CACNA2D3: variants seen among roughly 807,000 people sequenced by gnomAD.
The protein encoded by CACNA2D3 is voltage-dependent calcium channel subunit alpha-2/delta-3.
A neutral mutation model predicts 160.6 loss-of-function variants in CACNA2D3; 60 were observed. That is an observed-to-expected ratio of 0.37 (90% confidence interval 0.30 to 0.46). The LOEUF is 0.46. CACNA2D3 is among the 20% of genes least tolerant of loss of function. The pLI, the probability that CACNA2D3 is intolerant of heterozygous loss-of-function variation, is 1.00. For missense variants in CACNA2D3, 1,205 were observed against 1,365.0 expected (o/e 0.88, Z 1.85); for synonymous variants, 558 against 492.9 (o/e 1.13, Z -1.75).
chr3:55,053,160 C>T (rs1704269565), intron 35 of CACNA2D3, among the ~76,000 whole-genome samples: 1 of 152,012 alleles, frequency 6.6e-6, no homozygotes, highest in African/African-American at 2.4e-5. Flanking sequence ...GGTTTCTCTC[C>T]ACCTAATTCT....
At chr3:54,812,329 G>A (rs1214943182) in intron 13 of CACNA2D3, among the ~76,000 whole-genome samples, 1 of 152,226 alleles carries the variant, frequency 6.6e-6, no homozygotes, top group Non-Finnish European at 1.5e-5. Flanking sequence ...TTGCAGGTAT[G>A]TGGTACTAGG....
At chr3:54,380,663 G>A (rs1575424339) in intron 3 of CACNA2D3, among the ~76,000 whole-genome samples, 1 of 152,152 alleles carries the variant, frequency 6.6e-6, no homozygotes, top group Admixed American at 6.5e-5. Flanking sequence ...GTGTGAACCC[G>A]GGAGGGGAGC....
intron 10 of CACNA2D3, chr3:54,639,680 G>A (rs890248578): frequency 1.1e-4 from 23 of 213,480 alleles, no homozygotes; most frequent in Non-Finnish European, 1.8e-5. Flanking sequence ...TCTTTCTCAC[G>A]GAGCAAAGAG....
At chr3:54,229,900 G>A (rs1701739277) in intron 2 of CACNA2D3, among the ~76,000 whole-genome samples, 1 of 152,118 alleles carries the variant, frequency 6.6e-6, no homozygotes, top group Non-Finnish European at 1.5e-5. Flanking sequence ...GTTACAGAGG[G>A]CTTCCTTCCC....
chr3:54,585,020 G>A (rs1274815954), intron 9 of CACNA2D3, among the ~76,000 whole-genome samples: 1 of 152,136 alleles, frequency 6.6e-6, no homozygotes, highest in Non-Finnish European at 1.5e-5. Flanking sequence ...AATGTCTAAA[G>A]GGAATTCTCT....
intron 3 of CACNA2D3, among the ~76,000 whole-genome samples, chr3:54,352,821 T>C (rs1360206897): frequency 6.6e-6 from 1 of 152,238 alleles, no homozygotes; most frequent in East Asian, 1.9e-4. Context: ...TCTTGATAAG[T>C]TCTGACCAAT....
At chr3:54,821,697 T>TTTTTTTCTTTCTTTCCTTCC (rs1703603822) in intron 14 of CACNA2D3, among the ~76,000 whole-genome samples, 1 of 84,096 alleles carries the variant, frequency 1.2e-5, no homozygotes, top group Admixed American at 1.2e-4. Flanking sequence ...TCTTTCTTTC[T>TTTTTTTCTTTCTTTCCTTCC]TTCCTTCCTT....
At chr3:54,545,423 A>G (rs930320030) in intron 5 of CACNA2D3, among the ~76,000 whole-genome samples, 1 of 152,130 alleles carries the variant, frequency 6.6e-6, no homozygotes, top group Non-Finnish European at 1.5e-5. Flanking sequence ...TTAAATATGT[A>G]TGGCTTGCTT....
chr3:54,656,814 A>G (rs1699881918), intron 11 of CACNA2D3, among the ~76,000 whole-genome samples: 1 of 152,170 alleles, frequency 6.6e-6, no homozygotes, highest in Admixed American at 6.5e-5. Flanking sequence ...CCCCTTCCCC[A>G]GTTAGAATTG....
Position 54,387,964 on chromosome 3 carries a change from T to C in CACNA2D3, c.381+1190T>C, listed in dbSNP as rs142621065. On this transcript the variant is annotated intron_variant, in intron 4 of 37. Transcript: ENST00000474759. ...GCTGACCACCGGCTGCATGTCTCTC[T>C]GGAAGATGTGTCCTTGTCATCACCC... Among the ~76,000 whole-genome samples, 955 of 152,332 alleles carry C rather than the reference T, an allele frequency of 6.3e-3. 12 individuals carry two copies. The highest frequency in any genetic ancestry group is 0.021 in the African/African-American group (879 of 41,568).
chr3:54,739,621 C>G (rs2107037550), intron 11 of CACNA2D3, among the ~76,000 whole-genome samples: 1 of 151,990 alleles, frequency 6.6e-6, no homozygotes, highest in Admixed American at 6.6e-5. Context: ...TTTACATGAT[C>G]CTCCTTATCA....
At chr3:54,987,946 G>A (rs975266347) in intron 31 of CACNA2D3, among the ~76,000 whole-genome samples, 193 bp downstream of exon 31, 5 of 152,214 alleles carry the variant, frequency 3.3e-5, no homozygotes, top group Non-Finnish European at 7.3e-5. Flanking sequence ...TAGAAACTCA[G>A]TTCACAATGA....
chr3:54,545,846 C>T (rs1050419309), intron 5 of CACNA2D3, among the ~76,000 whole-genome samples: 39 of 152,122 alleles, frequency 2.6e-4, no homozygotes, highest in African/African-American at 8.7e-4. Flanking sequence ...TTCTTCTTCC[C>T]TGTGGTCTTT....
intron 31 of CACNA2D3, among the ~76,000 whole-genome samples, chr3:54,992,351 G>T (rs1021005207): frequency 5.3e-5 from 8 of 152,108 alleles, no homozygotes; most frequent in African/African-American, 1.9e-4. Context: ...GAGTAACTGA[G>T]GTGTCCCCAG....
intron 13 of CACNA2D3, among the ~76,000 whole-genome samples, chr3:54,798,522 C>T (rs1228499619): frequency 1.3e-5 from 2 of 151,774 alleles, no homozygotes; most frequent in African/African-American, 2.4e-5. Flanking sequence ...GGTGACAGAG[C>T]GAGACTCCAT....
chr3:54,764,479 TATAG>T, intron 13 of CACNA2D3, 128 bp downstream of exon 13: 1 of 1,179,972 alleles, frequency 8.5e-7, no homozygotes, highest in Non-Finnish European at 1.2e-6. Flanking sequence ...TGATTGTTTG[TATAG>T]TGTTGGTCAC....
At position 54,879,026 on chromosome 3, in the gene CACNA2D3, T is replaced by C; in HGVS notation, c.1719T>C (p.Asn573=). The C allele has an allele frequency of 6.2e-7, 1 of 1,600,492 alleles. No individual in the cohort carries two copies. The highest frequency in any genetic ancestry group is 1.1e-5 in the South Asian group (1 of 88,418). Residue 573 remains asparagine (N), a synonymous_variant, in exon 19 of 38, where the codon AAT becomes AAC. Coordinates refer to ENST00000474759, the MANE Select transcript of CACNA2D3 (RefSeq NM_018398.3). ...EWEDRDDVLR[N]AMVNRKTGKF... ...TTCTTTTATCATTTTAGTTGAGAAATGCTATGGTGAATCGAAAGACGGGGA... is the reference window on the plus strand; with the variant it reads ...TTCTTTTATCATTTTAGTTGAGAAACGCTATGGTGAATCGAAAGACGGGGA...
At chr3:54,621,247 C>T (rs1047510773) in intron 9 of CACNA2D3, among the ~76,000 whole-genome samples, 1 of 152,194 alleles carries the variant, frequency 6.6e-6, no homozygotes, top group Non-Finnish European at 1.5e-5. Context: ...AACATGATTG[C>T]TGTGATCACA....
At chr3:54,286,254 G>A (rs564521487) in intron 2 of CACNA2D3, among the ~76,000 whole-genome samples, 2 of 152,344 alleles carry the variant, frequency 1.3e-5, no homozygotes, top group Admixed American at 1.3e-4. Flanking sequence ...GGAGCTGAAA[G>A]CCAAGGCTCG....
Sources: allele counts gnomAD v4.1 joint callset (sites outside exome capture counted in the v4.1 genomes callset), GRCh38; gene constraint gnomAD v4.1.1; transcripts MANE v1.5; gene names NCBI Gene and HGNC (gene_info 2026-07-23, HGNC 2026-07-21).